The following PCDH11X variants were observed in gnomAD, a reference collection of about 807,000 sequenced individuals.
The protein encoded by PCDH11X is protocadherin 11 X-linked, also known as protocadherin-11 X-linked.
PCDH11X carries 18 observed loss-of-function variants against 53.3 expected under a neutral mutation model. The observed-to-expected ratio is 0.34, with a 90% CI of 0.23 to 0.50. The LOEUF (loss-of-function observed/expected upper bound fraction) is 0.50. Ranked by LOEUF, PCDH11X falls within the 20% of genes least tolerant of loss-of-function variation. The pLI is 0.98. For synonymous variants in PCDH11X, 279 were observed against 393.3 expected, an observed-to-expected ratio of 0.71 and a Z score of 3.44; for missense variants, 570 against 1,032.4, an observed-to-expected ratio of 0.55 and a Z score of 6.14.
chrX:92,183,768 C>T (rs1416232593), intron 6 of PCDH11X, among the ~76,000 whole-genome samples: 1 of 112,062 alleles, frequency 8.9e-6, no homozygotes, highest in Non-Finnish European at 1.9e-5. Flanking sequence ...CCACGTACAG[C>T]AAACAAGCCC....
At chrX:92,112,092 A>C (rs1371999136) in intron 6 of PCDH11X, among the ~76,000 whole-genome samples, 8 of 95,327 alleles carry the variant, frequency 8.4e-5, no homozygotes, top group African/African-American at 3.4e-4. Flanking sequence ...ACTGATTATC[A>C]CACAACCAGG....
intron 10 of PCDH11X, among the ~76,000 whole-genome samples, chrX:92,503,938 C>A (rs2074005802): frequency 9.9e-6 from 1 of 101,158 alleles, no homozygotes; most frequent in Non-Finnish European, 2.0e-5. Context: ...TCTGGGCACC[C>A]AGGTTCAGAA....
chrX:92,592,663 G>A (rs1366155155), intron 10 of PCDH11X, among the ~76,000 whole-genome samples: 12 of 111,693 alleles, frequency 1.1e-4, no homozygotes, highest in East Asian at 2.8e-4. Context: ...CCGGGGAAGC[G>A]GAGGTTGCAG....
At chrX:91,880,854 T>C (rs1226114254) in intron 6 of PCDH11X, among the ~76,000 whole-genome samples, 2 of 109,382 alleles carry the variant, frequency 1.8e-5, no homozygotes, top group Non-Finnish European at 3.8e-5. Context: ...AAGGGCACTC[T>C]CATTTTCAAA....
Position 92,210,407 on chromosome X carries a change from T to A in PCDH11X, c.3114+8952T>A, listed in dbSNP as rs755992311. On this transcript the variant is annotated intron_variant, in intron 7 of 10. Coordinates refer to ENST00000682573, the MANE Select transcript of PCDH11X (RefSeq NM_032968.5). ...GCACCCACCACCATGCCTGGCTAAT[T>A]TTTTTGTATTTTTAATAGAGACGGG... Among the ~76,000 whole-genome samples, 26 of 106,707 alleles carry A rather than the reference T, an allele frequency of 2.4e-4. No individual in the cohort carries two copies. In the East Asian group the frequency reaches 7.8e-3, roughly 32 times the overall value. The allele number at this position is 106,707 out of a possible 115,157, so 92.7% of individuals were successfully genotyped here.
chrX:92,408,801 C>A (rs1409529095), intron 9 of PCDH11X, among the ~76,000 whole-genome samples: 2 of 108,838 alleles, frequency 1.8e-5, no homozygotes, highest in Admixed American at 9.8e-5. Flanking sequence ...CCAGGACGGT[C>A]TCGATCTCCT....
At chrX:91,970,253 G>A (rs2061936972) in intron 6 of PCDH11X, among the ~76,000 whole-genome samples, 2 of 111,297 alleles carry the variant, frequency 1.8e-5, no homozygotes, top group Non-Finnish European at 1.9e-5. Context: ...ACGTGGAAGG[G>A]GACCTGAGCG....
intron 7 of PCDH11X, among the ~76,000 whole-genome samples, chrX:92,217,286 G>C (rs1329794347): frequency 2.7e-5 from 3 of 110,618 alleles, no homozygotes; most frequent in Non-Finnish European, 5.7e-5. Flanking sequence ...AGACCCATTA[G>C]TGTGCTGTAT....
intron 8 of PCDH11X, among the ~76,000 whole-genome samples, chrX:92,359,687 C>T (rs1275663965): frequency 2.7e-5 from 3 of 110,756 alleles, no homozygotes; most frequent in African/African-American, 6.5e-5. Context: ...ATCTAACTAT[C>T]TCTTCATCAT....
At chrX:92,059,702 T>C (rs2063499167) in intron 6 of PCDH11X, among the ~76,000 whole-genome samples, 1 of 110,891 alleles carries the variant, frequency 9.0e-6, no homozygotes, top group South Asian at 3.8e-4. Context: ...CATACCTGCA[T>C]AGAAGAAAGT....
chrX:92,032,069 T>C (rs1345306345), intron 6 of PCDH11X, among the ~76,000 whole-genome samples: 1 of 111,970 alleles, frequency 8.9e-6, no homozygotes. Flanking sequence ...GGAGATTGCA[T>C]TGAGTAGTGT....
At chrX:92,142,164 T>TA (rs2065190975) in intron 6 of PCDH11X, among the ~76,000 whole-genome samples, 4 of 104,143 alleles carry the variant, frequency 3.8e-5, no homozygotes, top group African/African-American at 1.5e-4. Flanking sequence ...TATTATTTTT[T>TA]TTTTTTTTTG....
At chrX:92,257,796 G>T (rs1353308477) in intron 7 of PCDH11X, among the ~76,000 whole-genome samples, 1 of 112,653 alleles carries the variant, frequency 8.9e-6, no homozygotes, top group Admixed American at 9.3e-5. Flanking sequence ...TTCAGCCCCT[G>T]AGGCTGTTCT....
rs183061938 is a variant in PCDH11X, at chrX:92,493,303, C to A, written c.3367+24981C>A. On this transcript the variant is annotated intron_variant, in intron 10 of 10. Coordinates refer to ENST00000682573, the MANE Select transcript of PCDH11X (RefSeq NM_032968.5). The stretch of plus-strand genomic sequence containing the variant: ...AAGATGAATAAGCCCTAGAGATCTG[C>A]TGTACATTGTGTCTATAGTCAACAA... Among the ~76,000 whole-genome samples the A allele has an allele frequency of 4.7e-3, 521 of 110,731 alleles. 5 individuals are homozygous for A. Among genetic ancestry groups the A allele is most frequent in the Admixed American group, 0.019 (199 of 10,361 alleles).
intron 8 of PCDH11X, among the ~76,000 whole-genome samples, chrX:92,324,153 C>CT (rs953849826): frequency 6.7e-5 from 7 of 105,249 alleles, no homozygotes; most frequent in Admixed American, 2.1e-4. Context: ...CTCTCATATC[C>CT]TTTTTTATGA....
chrX:91,998,342 C>T (rs780573837), intron 6 of PCDH11X, among the ~76,000 whole-genome samples: 1 of 111,467 alleles, frequency 9.0e-6, no homozygotes, highest in Non-Finnish European at 1.9e-5. Context: ...TCATAGTAGC[C>T]TCTTAAGATT....
intron 6 of PCDH11X, among the ~76,000 whole-genome samples, chrX:92,166,590 C>G (rs1480190901): frequency 2.7e-5 from 3 of 110,290 alleles, no homozygotes; most frequent in African/African-American, 9.9e-5. Flanking sequence ...TTTCCTGTAA[C>G]ATGTCTGTTA....
intron 7 of PCDH11X, among the ~76,000 whole-genome samples, chrX:92,246,317 A>G (rs2067349104): frequency 9.0e-6 from 1 of 111,627 alleles, no homozygotes; most frequent in Admixed American, 9.5e-5. Context: ...TTATATAGCA[A>G]CAAGTTGTGG....
At chrX:92,434,819 C>T (rs2072332418) in intron 9 of PCDH11X, among the ~76,000 whole-genome samples, 1 of 109,595 alleles carries the variant, frequency 9.1e-6, no homozygotes, top group South Asian at 3.9e-4. Flanking sequence ...GCTGGGGAGG[C>T]CTCACAATCA....
Sources: allele counts gnomAD v4.1 joint callset (sites outside exome capture counted in the v4.1 genomes callset), GRCh38; gene constraint gnomAD v4.1.1; transcripts MANE v1.5; gene names NCBI Gene and HGNC (gene_info 2026-07-23, HGNC 2026-07-21).